Variants in FOXO1 observed in about 807,000 individuals in gnomAD.
FOXO1 encodes the protein forkhead box protein O1.
In FOXO1, 6 loss-of-function variants were observed where a neutral mutation model predicts 44.1. That is an observed-to-expected ratio of 0.14 (90% CI 0.07 to 0.27). The LOEUF (loss-of-function observed/expected upper bound fraction) is 0.27, where lower values mean the gene tolerates loss of function less well. FOXO1 is among the 10% of genes least tolerant of loss of function. The pLI is 1.00. For synonymous variants in FOXO1, 380 were observed against 362.7 expected (o/e 1.05, Z -0.54); for missense variants, 737 against 888.8 (o/e 0.83, Z 2.17).
chr13:40,658,837 G>A (rs1305235091), intron 1 of FOXO1, among the ~76,000 whole-genome samples: 1 of 151,964 alleles, frequency 6.6e-6, no homozygotes, highest in Non-Finnish European at 1.5e-5. Context: ...GTGAAATCCC[G>A]TCTCTACTAA....
intron 1 of FOXO1, among the ~76,000 whole-genome samples, chr13:40,579,956 A>T (rs1874897792): frequency 1.3e-5 from 2 of 152,216 alleles, no homozygotes; most frequent in Non-Finnish European, 1.5e-5. Flanking sequence ...GCTCTTTATT[A>T]CCAATTATAC....
intron 1 of FOXO1, among the ~76,000 whole-genome samples, chr13:40,637,523 T>A (rs1877203203): frequency 6.7e-6 from 1 of 148,498 alleles, no homozygotes; most frequent in Non-Finnish European, 1.5e-5. Flanking sequence ...TTCCTAGCTA[T>A]CAAATTTTAA....
intron 1 of FOXO1, among the ~76,000 whole-genome samples, chr13:40,561,943 CAAAAA>C (rs60373589): frequency 1.0e-4 from 7 of 67,572 alleles, no homozygotes; most frequent in Admixed American, 7.9e-4. Context: ...ACTCTGTCGC[CAAAAA>C]AAAAAAAAAA....
chr13:40,598,006 G>A (rs1566071245), intron 1 of FOXO1, among the ~76,000 whole-genome samples: 2 of 152,082 alleles, frequency 1.3e-5, no homozygotes, highest in Admixed American at 6.6e-5. Flanking sequence ...TCAGAGAATC[G>A]GGCTCTCGTT....
At position 40,654,128 on chromosome 13, in the gene FOXO1, T is replaced by G. The variant is rs535064993; in HGVS notation, c.630+11455A>C. 2.4e-4 allele frequency among the ~76,000 whole-genome samples: 36 copies of G among 151,724 alleles called. 1 individual carries two copies. In the South Asian group the frequency reaches 6.9e-3, roughly 29 times the overall value. ...CTGTTAAGCTCATGGGGTATATCAT[T>G]AGGACCAGCTCTGTAACTGGAACTG... is the stretch of plus-strand genomic sequence containing the variant. On this transcript the variant is annotated intron_variant, in intron 1 of 2. Transcript: ENST00000379561.
At chr13:40,616,809 C>CT (rs1325922547) in intron 1 of FOXO1, among the ~76,000 whole-genome samples, 2 of 152,116 alleles carry the variant, frequency 1.3e-5, no homozygotes, top group Non-Finnish European at 2.9e-5. Context: ...AAAAGAAAAA[C>CT]TGACACTACA....
In FOXO1 at chr13:40,621,993, C is replaced by T. The variant is rs184862690; in HGVS notation, c.630+43590G>A. 6.6e-3 allele frequency among the ~76,000 whole-genome samples: 998 copies of T among 152,192 alleles called. 15 individuals carry two copies. Among genetic ancestry groups the T allele is most frequent in the African/African-American group, 0.023 (967 of 41,504 alleles). ...GATCATCTCAGAGAGAAAAGGGATT[C>T]GGATATAATTTTAATATAGAGATAA... On this transcript the variant is annotated intron_variant, in intron 1 of 2. Coordinates refer to ENST00000379561, the MANE Select transcript of FOXO1 (RefSeq NM_002015.4).
chr13:40,616,447 G>A (rs1876426938), intron 1 of FOXO1, among the ~76,000 whole-genome samples: 1 of 152,152 alleles, frequency 6.6e-6, no homozygotes, highest in Non-Finnish European at 1.5e-5. Context: ...GTTCTGTAAA[G>A]GAAATGAGTC....
At chr13:40,664,807 ACGCCAC>A (rs571800667) in intron 1 of FOXO1, among the ~76,000 whole-genome samples, 63,725 of 149,550 alleles carry the variant, frequency 0.43, 15,062 homozygotes, top group East Asian at 0.75. Context: ...GGCCCCTCCC[ACGCCAC>A]CGCCACCGCC....
intron 1 of FOXO1, among the ~76,000 whole-genome samples, chr13:40,657,193 T>C (rs576133618): frequency 1.6e-4 from 24 of 152,276 alleles, no homozygotes; most frequent in Admixed American, 9.8e-4. Context: ...TACACAGATA[T>C]ATGATCAAGC....
At chr13:40,662,170 CAAAAAAAAAAAAA>C (rs57350461) in intron 1 of FOXO1, among the ~76,000 whole-genome samples, 10 of 56,730 alleles carry the variant, frequency 1.8e-4, no homozygotes, top group Non-Finnish European at 2.9e-4. Flanking sequence ...GACTCTGACT[CAAAAAAAAAAAAA>C]AAAAAAAAAA....
intron 1 of FOXO1, among the ~76,000 whole-genome samples, chr13:40,629,457 T>C (rs544609698): frequency 6.6e-6 from 1 of 152,322 alleles, no homozygotes; most frequent in Non-Finnish European, 1.5e-5. Context: ...ACATGACTTT[T>C]GAACTGCCTA....
At chr13:40,578,546 T>C (rs1874844694) in intron 1 of FOXO1, among the ~76,000 whole-genome samples, 1 of 152,166 alleles carries the variant, frequency 6.6e-6, no homozygotes, top group African/African-American at 2.4e-5. Flanking sequence ...TCCCTGCAAG[T>C]TCCCTGAAGA....
chr13:40,647,212 A>G (rs1330369813), intron 1 of FOXO1, among the ~76,000 whole-genome samples: 10 of 152,042 alleles, frequency 6.6e-5, no homozygotes, highest in Non-Finnish European at 1.5e-4. Context: ...TCTTCCCCTC[A>G]TCCTCCTTTA....
intron 1 of FOXO1, among the ~76,000 whole-genome samples, chr13:40,572,615 A>C (rs1467805627): frequency 2.0e-5 from 3 of 152,236 alleles, no homozygotes; most frequent in Non-Finnish European, 4.4e-5. Context: ...ATGTTTGTTT[A>C]TATACCACCC....
intron 1 of FOXO1, among the ~76,000 whole-genome samples, chr13:40,637,554 C>T: frequency 6.6e-6 from 1 of 151,824 alleles, no homozygotes; most frequent in Admixed American, 6.6e-5. Flanking sequence ...AAATGTCAGC[C>T]TTCTATTTTC....
chr13:40,659,064 G>A (rs1007507209), intron 1 of FOXO1, among the ~76,000 whole-genome samples: 3 of 151,802 alleles, frequency 2.0e-5, no homozygotes, highest in Non-Finnish European at 2.9e-5. Flanking sequence ...AGTGGCTCAC[G>A]CCTGTAATCC....
Position 40,665,814 on chromosome 13 carries a change from C to A in FOXO1, c.399G>T (p.Gln133His). The A allele has an allele frequency of 8.2e-7, 1 of 1,212,184 alleles. No individual in the cohort carries two copies. The highest frequency in any genetic ancestry group is 4.5e-5 in the Admixed American group (1 of 22,466). 75.1% of individuals were successfully genotyped at this position (1,212,184 alleles called of 1,614,324 possible). A position where few individuals can be genotyped will look rare whatever the true frequency, so the allele number is the denominator to read the frequency against. Residue 133 changes from glutamine to histidine, a missense_variant, in exon 1 of 3, where the codon CAG becomes CAT. Gln to His is a conservative substitution (Grantham distance 24, BLOSUM62 0). Coordinates refer to ENST00000379561, the MANE Select transcript of FOXO1 (RefSeq NM_002015.4). ...CGGCGGCGGGGGGCACCGGCGGGTG[C>A]TGCGACAGCGGCCCGGGCGGCGGGG... ...PQPPPPGPLS[Q>H]HPPVPPAAAG... is the part of the protein sequence containing the mutation.
chr13:40,646,075 A>G (rs1877499338), intron 1 of FOXO1, among the ~76,000 whole-genome samples: 1 of 151,994 alleles, frequency 6.6e-6, no homozygotes, highest in Admixed American at 6.6e-5. Flanking sequence ...CTCAAAAAAA[A>G]AAAAAAAAGT....
Sources: allele counts gnomAD v4.1 joint callset (sites outside exome capture counted in the v4.1 genomes callset), GRCh38; gene constraint gnomAD v4.1.1; transcripts MANE v1.5; gene names NCBI Gene and HGNC (gene_info 2026-07-23, HGNC 2026-07-21).